Variants in NEGR1 observed in about 807,000 individuals in gnomAD.
The protein encoded by NEGR1 is neuronal growth regulator 1.
NEGR1 carries 10 observed loss-of-function variants against 40.9 expected under a neutral mutation model. That is an observed-to-expected ratio of 0.24 (90% confidence interval 0.15 to 0.42). The LOEUF is 0.42. NEGR1 is among the 10% of genes least tolerant of loss of function. The pLI is 1.00. For synonymous variants in NEGR1, 185 were observed against 166.8 expected, an observed-to-expected ratio of 1.11 and a Z score of -0.84; for missense variants, 352 against 438.9, an observed-to-expected ratio of 0.80 and a Z score of 1.77.
intron 4 of NEGR1, among the ~76,000 whole-genome samples, chr1:71,659,027 A>G (rs888287757): frequency 2.6e-5 from 4 of 152,162 alleles, no homozygotes; most frequent in Non-Finnish European, 5.9e-5. Context: ...ATAAGACATC[A>G]TTGGAGGAAG....
intron 1 of NEGR1, among the ~76,000 whole-genome samples, chr1:72,104,980 A>G (rs1649081849): frequency 6.6e-6 from 1 of 152,136 alleles, no homozygotes; most frequent in Admixed American, 6.6e-5. Context: ...TTAAAAAGAA[A>G]TGGAGCCAGA....
At chr1:72,031,729 G>A (rs1306556594) in intron 1 of NEGR1, among the ~76,000 whole-genome samples, 1 of 152,090 alleles carries the variant, frequency 6.6e-6, no homozygotes, top group Admixed American at 6.6e-5. Context: ...GGTTACATGA[G>A]TTATAGGCCC....
intron 1 of NEGR1, among the ~76,000 whole-genome samples, chr1:72,187,281 T>C (rs999197175): frequency 4.0e-5 from 6 of 151,610 alleles, no homozygotes; most frequent in Non-Finnish European, 7.4e-5. Flanking sequence ...GTAAACTTCA[T>C]ATTTTTTTCG....
chr1:71,793,355 C>T (rs1024189748), intron 2 of NEGR1, among the ~76,000 whole-genome samples: 22 of 100,164 alleles, frequency 2.2e-4, no homozygotes, highest in African/African-American at 6.4e-4. Context: ...GTGATCTGCC[C>T]GCCTCGGCCT....
chr1:72,199,449 G>C (rs952535501), intron 1 of NEGR1, among the ~76,000 whole-genome samples: 13 of 151,980 alleles, frequency 8.6e-5, no homozygotes, highest in African/African-American at 3.1e-4. Flanking sequence ...TGGAGAAATT[G>C]AGATTGTAGT....
Position 71,984,347 on chromosome 1 carries a change from C to T in NEGR1, c.177-49036G>A, listed in dbSNP as rs111904647. 5.4e-3 allele frequency among the ~76,000 whole-genome samples: 639 copies of T among 117,782 alleles called. 70 individuals are homozygous for T. The highest frequency in any genetic ancestry group is 9.8e-3 in the Non-Finnish European group (500 of 50,976). 77.3% of individuals were successfully genotyped at this position (117,782 alleles called of 152,430 possible). ...CTCACCATGTTGCCTAGACTGGTCT[C>T]GAACTCCTGGTATCAAGTGATCTCA... On this transcript the variant is annotated intron_variant, in intron 1 of 6. Coordinates refer to ENST00000357731, the MANE Select transcript of NEGR1 (RefSeq NM_173808.3).
intron 6 of NEGR1, among the ~76,000 whole-genome samples, chr1:71,433,969 A>T (rs1646487637): frequency 6.6e-6 from 1 of 152,248 alleles, no homozygotes; most frequent in South Asian, 2.1e-4. Flanking sequence ...GAGGTTGTTA[A>T]GTCAGTAATA....
intron 1 of NEGR1, among the ~76,000 whole-genome samples, chr1:72,030,192 A>G (rs556803767): frequency 4.6e-5 from 7 of 151,640 alleles, no homozygotes; most frequent in Admixed American, 3.3e-4. Context: ...AGCTAGGGAT[A>G]CTTTTTTTTT....
intron 1 of NEGR1, among the ~76,000 whole-genome samples, chr1:72,265,672 G>A (rs964543004): frequency 2.0e-5 from 3 of 150,812 alleles, no homozygotes; most frequent in African/African-American, 7.3e-5. Flanking sequence ...TCTAAGGCAT[G>A]CACTATTAAG....
chr1:71,886,433 C>A, intron 2 of NEGR1, among the ~76,000 whole-genome samples: 1 of 149,472 alleles, frequency 6.7e-6, no homozygotes, highest in Admixed American at 6.7e-5. Flanking sequence ...TATTAAATGA[C>A]CAGTGTGTTC....
At chr1:71,692,268 T>C (rs1335806590) in intron 4 of NEGR1, among the ~76,000 whole-genome samples, 2 of 151,792 alleles carry the variant, frequency 1.3e-5, no homozygotes, top group Admixed American at 6.6e-5. Context: ...CCCTGAGTTG[T>C]TCCAAATAAG....
In NEGR1 at chr1:72,145,289, T is replaced by TTG. The variant is rs1444595548; in HGVS notation, c.176+137028_176+137029dup. Among the ~76,000 whole-genome samples the TTG allele has an allele frequency of 2.0e-5, 3 of 152,248 alleles. No homozygotes were observed. In the East Asian group the frequency reaches 5.8e-4, roughly 29 times the overall value. On this transcript the variant is annotated intron_variant, in intron 1 of 6. Transcript: ENST00000357731. ...TCCTCAGAGTCAACTATCATTTCTA[T>TTG]TGTGTGTGTTCTTCTGACTTCATTA...
chr1:72,069,077 G>T (rs1261035579), intron 1 of NEGR1, among the ~76,000 whole-genome samples: 1 of 151,914 alleles, frequency 6.6e-6, no homozygotes, highest in Non-Finnish European at 1.5e-5. Flanking sequence ...CAACCTAAAA[G>T]GATTTCTTTA....
chr1:72,190,362 T>C (rs967295059), intron 1 of NEGR1, among the ~76,000 whole-genome samples: 1 of 151,676 alleles, frequency 6.6e-6, no homozygotes, highest in Non-Finnish European at 1.5e-5. Flanking sequence ...TACAGGTATT[T>C]GTGAGCATCT....
chr1:71,883,639 A>G (rs1283955837), intron 2 of NEGR1, among the ~76,000 whole-genome samples: 3 of 152,092 alleles, frequency 2.0e-5, no homozygotes, highest in Admixed American at 2.0e-4. Flanking sequence ...GGTTTGTTAC[A>G]TATGTATACA....
intron 1 of NEGR1, among the ~76,000 whole-genome samples, chr1:72,040,008 T>C (rs909633813): frequency 6.6e-6 from 1 of 151,936 alleles, no homozygotes; most frequent in South Asian, 2.1e-4. Flanking sequence ...TGATAAAAAA[T>C]ACGTGTCTAA....
chr1:72,056,231 A>G (rs1647108850), intron 1 of NEGR1, among the ~76,000 whole-genome samples: 1 of 151,340 alleles, frequency 6.6e-6, no homozygotes, highest in Admixed American at 6.6e-5. Flanking sequence ...TTTTCTTTTT[A>G]TCTTGGTGTG....
At chr1:72,040,339 A>C (rs1295794295) in intron 1 of NEGR1, among the ~76,000 whole-genome samples, 1 of 151,908 alleles carries the variant, frequency 6.6e-6, no homozygotes, top group African/African-American at 2.4e-5. Flanking sequence ...AGAGCATCAC[A>C]GTAGCTTGGA....
At chr1:72,250,460 G>C (rs1302162695) in intron 1 of NEGR1, among the ~76,000 whole-genome samples, 3 of 152,110 alleles carry the variant, frequency 2.0e-5, no homozygotes, top group African/African-American at 7.2e-5. Context: ...AAATGCAGCT[G>C]CTAATTTGTT....
Sources: gnomAD v4.1 joint callset for allele counts (sites outside exome capture counted in the v4.1 genomes callset) on GRCh38, gnomAD v4.1.1 for gene constraint, MANE v1.5 for transcripts, NCBI Gene and HGNC (gene_info 2026-07-23, HGNC 2026-07-21) for gene names.